The following TENM2 variants were observed in gnomAD, a reference collection of about 807,000 sequenced individuals.
The protein encoded by TENM2 is teneurin-2.
In TENM2, 52 loss-of-function variants were observed where a neutral mutation model predicts 245.2. The ratio of observed to expected loss-of-function variants is 0.21; its 90% CI spans 0.17 to 0.27. The LOEUF is 0.27. Ranked by LOEUF, TENM2 falls within the 10% of genes least tolerant of loss-of-function variation. The pLI is 1.00. For missense variants in TENM2, 3,046 were observed against 3,666.8 expected (o/e 0.83, Z 4.37); for synonymous variants, 1,363 against 1,438.9 (o/e 0.95, Z 1.19).
chr5:167,973,967 T>G lies in TENM2; in HGVS notation c.948-18977T>G, dbSNP rs75858621. Reference sequence around the variant, plus strand: ...GAGGAAACTAAAAGTACATTGAAGTTAACCAGTGCCTCTGATGGAAGAAGG... The same window carrying G: ...GAGGAAACTAAAAGTACATTGAAGTGAACCAGTGCCTCTGATGGAAGAAGG... On this transcript the variant is annotated intron_variant, in intron 4 of 28. Coordinates refer to ENST00000518659, the Ensembl canonical transcript of TENM2. Among the ~76,000 whole-genome samples, 3 of 137,168 alleles carry G rather than the reference T, an allele frequency of 2.2e-5. 1 individual carries two copies. The highest frequency in any genetic ancestry group is 4.6e-5 in the Non-Finnish European group (3 of 65,004). The allele number at this position is 137,168 out of a possible 152,430, so 90.0% of individuals were successfully genotyped here. A position where few individuals can be genotyped will look rare whatever the true frequency, so the allele number is the denominator to read the frequency against.
intron 18 of TENM2, 137 bp from the exon 21 acceptor site, chr5:168,204,235 C>T (rs1762169438): frequency 1.1e-6 from 1 of 931,392 alleles, no homozygotes; most frequent in Non-Finnish European, 1.6e-6. Context: ...CAGCTCTCTC[C>T]ACATTGTGAA....
chr5:166,993,121 T>C, the TENM2 span, among the ~76,000 whole-genome samples: 3 of 152,060 alleles, frequency 2.0e-5, no homozygotes, highest in Non-Finnish European at 4.4e-5. Flanking sequence ...TTTAAGCAAC[T>C]TGCTATTTTG....
exon 13 of TENM2, chr5:168,162,611 A>G: frequency 6.2e-7 from 1 of 1,613,340 alleles, no homozygotes; most frequent in Non-Finnish European, 8.5e-7. Context: ...CTCCAACCAG[A>G]TGGCTGCCCT....
At chr5:167,206,072 T>G in the TENM2 span, among the ~76,000 whole-genome samples, 1 of 152,198 alleles carries the variant, frequency 6.6e-6, no homozygotes, top group Non-Finnish European at 1.5e-5. Context: ...AAGTTCCTTT[T>G]GCTGTGGAAC....
At chr5:168,228,067 T>C in exon 25 of TENM2, 1 of 1,613,914 alleles carries the variant, frequency 6.2e-7, no homozygotes. Context: ...TAAACTCCAT[T>C]GAGTGGCGCC....
intron 2 of TENM2, among the ~76,000 whole-genome samples, chr5:167,740,055 C>T (rs1761067695): frequency 6.6e-6 from 1 of 152,180 alleles, no homozygotes. Flanking sequence ...GTGAGTGGTG[C>T]TGGTCTAGGA....
intron 2 of TENM2, among the ~76,000 whole-genome samples, chr5:167,423,548 T>A (rs1419671120): frequency 6.6e-6 from 1 of 152,140 alleles, no homozygotes. Context: ...GAAGGATTGA[T>A]GTGCCTAGCA....
At chr5:168,212,903 G>T (rs539252149) in intron 20 of TENM2, among the ~76,000 whole-genome samples, 2 of 152,256 alleles carry the variant, frequency 1.3e-5, no homozygotes, top group Admixed American at 1.3e-4. Flanking sequence ...CCCTAAGCAA[G>T]AACTGACCTC....
chr5:167,403,765 G>T (rs1762488021), intron 2 of TENM2, among the ~76,000 whole-genome samples: 2 of 152,084 alleles, frequency 1.3e-5, no homozygotes, highest in Admixed American at 1.3e-4. Context: ...AAATTATTCT[G>T]AAGGCATTAT....
At chr5:167,364,732 A>C (rs1301257259) in intron 1 of TENM2, among the ~76,000 whole-genome samples, 1 of 152,056 alleles carries the variant, frequency 6.6e-6, no homozygotes, top group Non-Finnish European at 1.5e-5. Context: ...AGCATTTCAA[A>C]TTGATAAAAG....
chr5:168,094,221 G>A (rs902973971), intron 8 of TENM2, among the ~76,000 whole-genome samples: 3 of 152,126 alleles, frequency 2.0e-5, no homozygotes, highest in Non-Finnish European at 4.4e-5. Flanking sequence ...ACACCCAGGA[G>A]CTGAGACACA....
At chr5:167,036,947 C>A in the TENM2 span, among the ~76,000 whole-genome samples, 2 of 152,114 alleles carry the variant, frequency 1.3e-5, no homozygotes, top group Non-Finnish European at 2.9e-5. Context: ...CTTGTTATTT[C>A]TCTGGCCTAG....
At chr5:167,086,347 G>A in the TENM2 span, among the ~76,000 whole-genome samples, 3 of 152,110 alleles carry the variant, frequency 2.0e-5, no homozygotes, top group East Asian at 1.9e-4. Context: ...TAGAGAAGTC[G>A]CTGGGATTCT....
chr5:167,043,302 G>T, the TENM2 span, among the ~76,000 whole-genome samples: 1 of 152,186 alleles, frequency 6.6e-6, no homozygotes, highest in Non-Finnish European at 1.5e-5. Flanking sequence ...CTTGTATAAA[G>T]ATAAAATTAT....
At chr5:167,570,896 A>C (rs1774225432) in intron 2 of TENM2, among the ~76,000 whole-genome samples, 1 of 152,112 alleles carries the variant, frequency 6.6e-6, no homozygotes, top group Non-Finnish European at 1.5e-5. Flanking sequence ...TACATTTTAC[A>C]CTGGTGAGGA....
chr5:167,521,720 A>T (rs1770768835), intron 2 of TENM2, among the ~76,000 whole-genome samples: 1 of 152,140 alleles, frequency 6.6e-6, no homozygotes, highest in African/African-American at 2.4e-5. Context: ...TTGGAGCGTG[A>T]AATTTATGCA....
At chr5:167,665,946 G>C (rs1203092914) in intron 2 of TENM2, among the ~76,000 whole-genome samples, 1 of 152,110 alleles carries the variant, frequency 6.6e-6, no homozygotes, top group Non-Finnish European at 1.5e-5. Context: ...ATACAAGACA[G>C]GGTCTAGCTG....
chr5:167,404,016 T>G (rs1762500894), intron 2 of TENM2, among the ~76,000 whole-genome samples: 1 of 152,056 alleles, frequency 6.6e-6, no homozygotes, highest in African/African-American at 2.4e-5. Flanking sequence ...CATGATAGGC[T>G]CACCTATTTT....
intron 9 of TENM2, among the ~76,000 whole-genome samples, chr5:168,105,907 T>C (rs1394247260): frequency 6.6e-6 from 1 of 152,228 alleles, no homozygotes; most frequent in Non-Finnish European, 1.5e-5. Context: ...TCCCTTGTAT[T>C]TGCTTTTATG....
Sources: gnomAD v4.1 joint callset for allele counts (sites outside exome capture counted in the v4.1 genomes callset) on GRCh38, gnomAD v4.1.1 for gene constraint, MANE v1.5 for transcripts, NCBI Gene and HGNC (gene_info 2026-07-23, HGNC 2026-07-21) for gene names.